Variants in RAP1A observed in about 807,000 individuals in gnomAD.
The protein encoded by RAP1A is ras-related protein Rap-1A.
Under a neutral mutation model 26.4 loss-of-function variants are expected in RAP1A, and 6 were observed. That is an observed-to-expected ratio of 0.23 (90% CI 0.12 to 0.45). The LOEUF (loss-of-function observed/expected upper bound fraction) is 0.45. RAP1A is among the 20% of genes least tolerant of loss of function. The probability of loss-of-function intolerance (pLI) is 0.99; values close to 1 mark genes in which losing one functional copy is unlikely to be tolerated. For missense variants in RAP1A, 121 were observed against 217.2 expected, an observed-to-expected ratio of 0.56 and a Z score of 2.78; for synonymous variants, 73 against 79.4, an observed-to-expected ratio of 0.92 and a Z score of 0.43.
In RAP1A at chr1:111,709,226, G is replaced by T. The variant is rs776210977; in HGVS notation, c.546G>T (p.Leu182=). 1 of 1,612,646 alleles carries T rather than the reference G, an allele frequency of 6.2e-7. No homozygotes were observed. The highest frequency in any genetic ancestry group is 1.1e-5 in the South Asian group (1 of 90,892). ...EKKKPKKKSC[L]LL ...AGAAGCCTAAAAAGAAATCATGTCTGCTGCTCTAGGCCCATAGTCAGCAGC... is the reference window on the plus strand; with the variant it reads ...AGAAGCCTAAAAAGAAATCATGTCTTCTGCTCTAGGCCCATAGTCAGCAGC... The change falls in exon 7 of 8, where the codon CTG becomes CTT. Residue 182 remains leucine (L), a synonymous_variant. Transcript: ENST00000369709.
chr1:111,670,853 A>G (rs1462455280), intron 1 of RAP1A, among the ~76,000 whole-genome samples: 1 of 152,234 alleles, frequency 6.6e-6, no homozygotes, highest in Non-Finnish European at 1.5e-5. Context: ...TTGTCATAAT[A>G]GTATATCAAG....
intron 1 of RAP1A, among the ~76,000 whole-genome samples, chr1:111,600,531 G>T (rs1343573245): frequency 6.6e-6 from 1 of 152,156 alleles, no homozygotes; most frequent in African/African-American, 2.4e-5. Context: ...CCTCTCCAGC[G>T]TTCTGCCTGA....
intron 1 of RAP1A, among the ~76,000 whole-genome samples, chr1:111,650,948 C>T (rs925405389): frequency 2.0e-5 from 3 of 151,992 alleles, no homozygotes; most frequent in Non-Finnish European, 2.9e-5. Context: ...ACTACAGGCA[C>T]CCGCCACCAC....
At chr1:111,571,235 T>C (rs1231238693) in intron 1 of RAP1A, among the ~76,000 whole-genome samples, 1 of 152,206 alleles carries the variant, frequency 6.6e-6, no homozygotes, top group Admixed American at 6.5e-5. Flanking sequence ...TGGGGCACAG[T>C]ATGGGGCAGG....
At chr1:111,693,830 G>A (rs914164729) in intron 2 of RAP1A, among the ~76,000 whole-genome samples, 1 of 151,648 alleles carries the variant, frequency 6.6e-6, no homozygotes, top group East Asian at 1.9e-4. Context: ...GGGAGCCTCT[G>A]CCTTGGACCA....
intron 1 of RAP1A, among the ~76,000 whole-genome samples, chr1:111,580,859 A>G (rs1658242661): frequency 2.4e-5 from 1 of 41,742 alleles, no homozygotes; most frequent in South Asian, 1.1e-3. Context: ...ACAAAAAAAC[A>G]AAAAACAAAA....
chr1:111,577,801 C>A (rs1477914819), intron 1 of RAP1A, among the ~76,000 whole-genome samples: 1 of 152,172 alleles, frequency 6.6e-6, no homozygotes, highest in African/African-American at 2.4e-5. Context: ...TAATTACATT[C>A]TTCCCATGAA....
At chr1:111,712,245 A>T (rs1662407387) in intron 7 of RAP1A, among the ~76,000 whole-genome samples, 186 bp from the exon 8 acceptor site, 1 of 152,128 alleles carries the variant, frequency 6.6e-6, no homozygotes, top group Admixed American at 6.5e-5. Flanking sequence ...TGATTTTTTA[A>T]AACATTTTTA....
intron 1 of RAP1A, among the ~76,000 whole-genome samples, chr1:111,685,186 G>A (rs574716111): frequency 1.3e-5 from 2 of 152,240 alleles, no homozygotes; most frequent in Admixed American, 1.3e-4. Flanking sequence ...AGATAACCTA[G>A]GCGATACCAT....
At chr1:111,626,223 T>G (rs1659392825) in intron 1 of RAP1A, among the ~76,000 whole-genome samples, 1 of 152,224 alleles carries the variant, frequency 6.6e-6, no homozygotes, top group African/African-American at 2.4e-5. Flanking sequence ...TTTGGTGGTC[T>G]TGTTTTCTAA....
chr1:111,606,498 C>T (rs1356206355), intron 1 of RAP1A, among the ~76,000 whole-genome samples: 1 of 152,206 alleles, frequency 6.6e-6, no homozygotes, highest in Non-Finnish European at 1.5e-5. Context: ...AATACTACAT[C>T]TCCTCACCAG....
intron 1 of RAP1A, among the ~76,000 whole-genome samples, chr1:111,678,453 G>T (rs1322309604): frequency 6.6e-6 from 1 of 152,178 alleles, no homozygotes; most frequent in Non-Finnish European, 1.5e-5. Context: ...ATAATGGGGA[G>T]AAATGCCTTG....
At chr1:111,619,521 T>C (rs1053181469), upstream of RAP1A, among the ~76,000 whole-genome samples, 5 of 152,188 alleles carry the variant, frequency 3.3e-5, no homozygotes, top group Non-Finnish European at 7.3e-5. Context: ...TCCCTCCAAA[T>C]TCTCTTCTTG....
chr1:111,569,058 G>T (rs1323388393), intron 1 of RAP1A, among the ~76,000 whole-genome samples: 5 of 151,902 alleles, frequency 3.3e-5, no homozygotes, highest in Non-Finnish European at 7.4e-5. Context: ...TATCAGTAAG[G>T]CTTCTAGTTA....
At chr1:111,561,396 A>G (rs997620621) in intron 1 of RAP1A, among the ~76,000 whole-genome samples, 2 of 152,218 alleles carry the variant, frequency 1.3e-5, no homozygotes, top group African/African-American at 4.8e-5. Context: ...TGCTGGGATT[A>G]CAGGCGTGAG....
At chr1:111,648,174 AGTGTGTGT>A (rs143658994) in intron 1 of RAP1A, 36,070 of 230,020 alleles carry the variant, frequency 0.16, 2,407 homozygotes, top group African/African-American at 0.18. Context: ...AGGTTCAAAC[AGTGTGTGT>A]GTGTGTGTGT....
chr1:111,552,439 C>T (rs1657305233), intron 1 of RAP1A, among the ~76,000 whole-genome samples: 1 of 152,166 alleles, frequency 6.6e-6, no homozygotes, highest in Non-Finnish European at 1.5e-5. Context: ...TGGTTAATTT[C>T]CAGGGTTCTG....
chr1:111,625,765 T>C (rs1352148408), intron 1 of RAP1A, among the ~76,000 whole-genome samples: 3 of 152,144 alleles, frequency 2.0e-5, no homozygotes, highest in Non-Finnish European at 2.9e-5. Context: ...TTCCTTTTTC[T>C]CTCTTCTCTT....
In RAP1A at chr1:111,671,050, T is replaced by C. The variant is rs915242992; in HGVS notation, c.-27-20284T>C. On this transcript the variant is annotated intron_variant, in intron 1 of 7. Coordinates refer to ENST00000369709, the MANE Select transcript of RAP1A (RefSeq NM_002884.4). The stretch of plus-strand genomic sequence containing the variant: ...AAAGATTTATCTGGGGATATAGATA[T>C]GGATAAATTTCTTTAAAACAGTAGA... 3.9e-5 allele frequency among the ~76,000 whole-genome samples: 6 copies of C among 152,232 alleles called. No individual in the cohort carries two copies. In the East Asian group the frequency reaches 9.6e-4, roughly 24 times the overall value.
Sources: allele counts gnomAD v4.1 joint callset (sites outside exome capture counted in the v4.1 genomes callset), GRCh38; gene constraint gnomAD v4.1.1; transcripts MANE v1.5; gene names NCBI Gene and HGNC (gene_info 2026-07-23, HGNC 2026-07-21).